The following SLCO3A1 variants were observed in gnomAD, a reference collection of about 807,000 sequenced individuals.
SLCO3A1 encodes PGE1 transporter.
SLCO3A1 carries 27 observed loss-of-function variants against 63.1 expected under a neutral mutation model. The observed-to-expected ratio is 0.43, with a 90% CI of 0.32 to 0.59. The LOEUF is 0.59. SLCO3A1 is among the 20% of genes least tolerant of loss of function. SLCO3A1 has a pLI of 0.09. For missense variants in SLCO3A1, 773 were observed against 945.8 expected, an observed-to-expected ratio of 0.82 and a Z score of 2.40; for synonymous variants, 473 against 409.9, an observed-to-expected ratio of 1.15 and a Z score of -1.86.
downstream of SLCO3A1, among the ~76,000 whole-genome samples, chr15:92,168,451 A>G (rs533796114): frequency 5.3e-5 from 8 of 152,360 alleles, no homozygotes; most frequent in East Asian, 1.5e-3. Context: ...GAGATCAGCC[A>G]TAGACAACAG....
Position 91,940,285 on chromosome 15 carries a change from A to C in SLCO3A1, c.646+23827A>C, listed in dbSNP as rs8032981. The stretch of plus-strand genomic sequence containing the variant: ...TCCTGATACCTGCCCTTTCTGATAC[A>C]CGTGCAATCCAATAGATGACAATGT... On this transcript the variant is annotated intron_variant, in intron 2 of 9. Transcript: ENST00000318445. Among the ~76,000 whole-genome samples the C allele has an allele frequency of 2.0e-5, 3 of 151,840 alleles. No individual in the cohort carries two copies. The South Asian group carries it at 6.2e-4, about 31-fold the overall frequency.
chr15:92,133,434 C>T lies in SLCO3A1; in HGVS notation c.1512+4945C>T, dbSNP rs151227796. 1.6e-4 allele frequency among the ~76,000 whole-genome samples: 24 copies of T among 146,252 alleles called. 4 individuals are homozygous for T. The highest frequency in any genetic ancestry group is 3.4e-4 in the Non-Finnish European group (22 of 65,188). On this transcript the variant is annotated intron_variant, in intron 7 of 9. Transcript: ENST00000318445. Reference sequence around the variant, plus strand: ...GGTCCCCCACATCTAGCACCAGTGCCAGTCTGCGGTACTGGTACTGTTGGG... The same window carrying T: ...GGTCCCCCACATCTAGCACCAGTGCTAGTCTGCGGTACTGGTACTGTTGGG...
chr15:92,168,671 G>T (rs1416078764), downstream of SLCO3A1, among the ~76,000 whole-genome samples: 1 of 152,164 alleles, frequency 6.6e-6, no homozygotes, highest in African/African-American at 2.4e-5. Context: ...TACATAGGAA[G>T]GGACCCTGAG....
intron 1 of SLCO3A1, among the ~76,000 whole-genome samples, chr15:91,857,655 C>T (rs1399864857): frequency 1.3e-5 from 2 of 152,042 alleles, no homozygotes; most frequent in Admixed American, 1.3e-4. Flanking sequence ...TTTGTGTGTG[C>T]CTATTGGTGT....
At chr15:92,122,630 C>T (rs2047876427) in intron 5 of SLCO3A1, among the ~76,000 whole-genome samples, 1 of 152,202 alleles carries the variant, frequency 6.6e-6, no homozygotes, top group Non-Finnish European at 1.5e-5. Context: ...TGTGCTGTGA[C>T]CTATCAGTTC....
chr15:92,029,261 T>C (rs1009997827), intron 2 of SLCO3A1, among the ~76,000 whole-genome samples: 2 of 152,180 alleles, frequency 1.3e-5, no homozygotes, highest in Non-Finnish European at 2.9e-5. Context: ...CTTCCTGAGG[T>C]TGCCAAATTT....
intron 2 of SLCO3A1, among the ~76,000 whole-genome samples, chr15:92,077,397 C>A (rs1402647024): frequency 6.6e-6 from 1 of 152,176 alleles, no homozygotes; most frequent in Non-Finnish European, 1.5e-5. Context: ...ACCACAGACT[C>A]CCACAGAGTC....
intron 2 of SLCO3A1, among the ~76,000 whole-genome samples, chr15:91,928,205 G>T (rs1229667892): frequency 6.6e-6 from 1 of 152,240 alleles, no homozygotes; most frequent in Non-Finnish European, 1.5e-5. Flanking sequence ...TTAAGCACAG[G>T]TGAGTTTGAA....
At chr15:92,113,013 G>A (rs2047748127) in intron 4 of SLCO3A1, among the ~76,000 whole-genome samples, 1 of 152,228 alleles carries the variant, frequency 6.6e-6, no homozygotes, top group African/African-American at 2.4e-5. Flanking sequence ...AAGGTTCTTA[G>A]GGGCTGGCCT....
intron 4 of SLCO3A1, among the ~76,000 whole-genome samples, chr15:92,105,976 T>C (rs2853650): frequency 0.28 from 42,479 of 152,150 alleles, 6,412 homozygotes; most frequent in South Asian, 0.35. Context: ...CTCAGCCCCC[T>C]GTTCTGTTCC....
At chr15:92,139,693 G>C (rs2048103988) in intron 7 of SLCO3A1, among the ~76,000 whole-genome samples, 1 of 152,106 alleles carries the variant, frequency 6.6e-6, no homozygotes, top group African/African-American at 2.4e-5. Flanking sequence ...CTTCTTCCTG[G>C]TTTAGTCTCA....
chr15:92,146,081 G>A (rs932951671), intron 7 of SLCO3A1, among the ~76,000 whole-genome samples: 3 of 152,196 alleles, frequency 2.0e-5, no homozygotes, highest in Non-Finnish European at 4.4e-5. Context: ...AAGCCAAGCA[G>A]TCCTGGAAGG....
chr15:92,120,197 T>C (rs1302700106), intron 4 of SLCO3A1, among the ~76,000 whole-genome samples: 1 of 152,162 alleles, frequency 6.6e-6, no homozygotes. Flanking sequence ...TCTAGTGAAC[T>C]GTAAGAAAAG....
At chr15:91,918,373 G>A (rs1404362222) in intron 2 of SLCO3A1, among the ~76,000 whole-genome samples, 1 of 152,168 alleles carries the variant, frequency 6.6e-6, no homozygotes, top group Non-Finnish European at 1.5e-5. Context: ...TGAGTTGGGG[G>A]AGTGTCTCTT....
intron 2 of SLCO3A1, among the ~76,000 whole-genome samples, chr15:92,023,901 C>T (rs57220311): frequency 0.23 from 35,336 of 152,144 alleles, 4,249 homozygotes; most frequent in South Asian, 0.37. Flanking sequence ...AGCTCCGTCT[C>T]AAGGGGCTAA....
rs181786768 is a variant in SLCO3A1 at position 92,084,257 on chromosome 15, G to T, written c.647-10624G>T. Among the ~76,000 whole-genome samples, 469 of 152,214 alleles carry T rather than the reference G, an allele frequency of 3.1e-3. 2 individuals carry two copies. Among genetic ancestry groups the T allele is most frequent in the African/African-American group, 0.011 (451 of 41,524 alleles). On this transcript the variant is annotated intron_variant, in intron 2 of 9. Transcript: ENST00000318445. ...AGAGTTTACCTAAGTGATTTAAAAC[G>T]TCATAAAAAAAGAAAATCCTGCTGT... is the stretch of plus-strand genomic sequence containing the variant.
At chr15:91,874,866 TC>T (rs1426499503) in intron 1 of SLCO3A1, among the ~76,000 whole-genome samples, 2 of 152,220 alleles carry the variant, frequency 1.3e-5, no homozygotes, top group Non-Finnish European at 2.9e-5. Context: ...TTGTCTCTTT[TC>T]TCTGTATTTC....
chr15:92,060,117 C>T (rs980713491), intron 2 of SLCO3A1, among the ~76,000 whole-genome samples: 4 of 152,256 alleles, frequency 2.6e-5, no homozygotes, highest in East Asian at 1.9e-4. Context: ...AGGGCACTTA[C>T]CATGAATGGA....
intron 2 of SLCO3A1, among the ~76,000 whole-genome samples, chr15:92,056,895 G>A (rs963884947): frequency 3.3e-5 from 5 of 152,170 alleles, no homozygotes; most frequent in African/African-American, 1.2e-4. Flanking sequence ...CTTTACTGTG[G>A]AAGGATTTGG....
Sources: gnomAD v4.1 joint callset for allele counts (sites outside exome capture counted in the v4.1 genomes callset) on GRCh38, gnomAD v4.1.1 for gene constraint, MANE v1.5 for transcripts, NCBI Gene and HGNC (gene_info 2026-07-23, HGNC 2026-07-21) for gene names.